Variants in MYT1L observed in about 807,000 individuals in gnomAD.
The protein encoded by MYT1L is myelin transcription factor 1-like protein.
MYT1L carries 12 observed loss-of-function variants against 126.7 expected under a neutral mutation model. The observed-to-expected ratio is 0.09, with a 90% CI of 0.06 to 0.15. The LOEUF is 0.15. Among genes scored for constraint, MYT1L ranks in the 10% least tolerant of loss-of-function variants. MYT1L has a pLI of 1.00. For synonymous variants in MYT1L, 541 were observed against 604.2 expected (o/e 0.90, Z 1.53); for missense variants, 979 against 1,585.2 (o/e 0.62, Z 6.49).
At chr2:1,804,607 G>T (rs543448956) in intron 22 of MYT1L, among the ~76,000 whole-genome samples, 1 of 152,318 alleles carries the variant, frequency 6.6e-6, no homozygotes, top group African/African-American at 2.4e-5. Flanking sequence ...AGCATAGCGT[G>T]GTCCTGGAAG....
At chr2:1,875,480 T>C (rs926890084) in intron 18 of MYT1L, among the ~76,000 whole-genome samples, 1 of 152,274 alleles carries the variant, frequency 6.6e-6, no homozygotes, top group East Asian at 1.9e-4. Context: ...CCTTACGCTC[T>C]CTTCAAGCCT....
chr2:1,993,561 A>C (rs2061602783), intron 5 of MYT1L, among the ~76,000 whole-genome samples: 1 of 152,228 alleles, frequency 6.6e-6, no homozygotes, highest in African/African-American at 2.4e-5. Context: ...ATTCCTCAGA[A>C]TATACCTACT....
At chr2:1,892,537 A>G (rs1222082960) in intron 14 of MYT1L, among the ~76,000 whole-genome samples, 3 of 141,054 alleles carry the variant, frequency 2.1e-5, no homozygotes, top group African/African-American at 8.2e-5. Flanking sequence ...CTGGAGGATA[A>G]TTCATCGACC....
intron 3 of MYT1L, among the ~76,000 whole-genome samples, chr2:2,158,795 A>G (rs893938689): frequency 1.3e-5 from 2 of 152,086 alleles, no homozygotes; most frequent in Admixed American, 6.6e-5. Context: ...GCAATGGTCT[A>G]TGATGACACG....
At chr2:2,216,789 AAGAGAG>A (rs112941406) in intron 2 of MYT1L, among the ~76,000 whole-genome samples, 1 of 150,568 alleles carries the variant, frequency 6.6e-6, no homozygotes, top group Non-Finnish European at 1.5e-5. Flanking sequence ...AGGAGAGAGA[AAGAGAG>A]AGAGAGAGAG....
chr2:1,865,551 A>G (rs560050827), intron 18 of MYT1L, among the ~76,000 whole-genome samples: 1 of 152,154 alleles, frequency 6.6e-6, no homozygotes, highest in South Asian at 2.1e-4. Context: ...AAAGAACTAA[A>G]TAAAGTGCAG....
At chr2:2,056,443 A>C (rs574142828) in intron 3 of MYT1L, among the ~76,000 whole-genome samples, 1 of 152,336 alleles carries the variant, frequency 6.6e-6, no homozygotes, top group African/African-American at 2.4e-5. Flanking sequence ...TATAGGCTAA[A>C]TGCCCTTGCA....
rs548374585 is a variant in MYT1L, at chr2:2,132,875, C to G, written c.-304+39997G>C. On this transcript the variant is annotated intron_variant, in intron 3 of 24. Coordinates refer to ENST00000647738, the MANE Select transcript of MYT1L (RefSeq NM_001303052.2). ...ATGGAATCAGAAATGCTCACGGTGG[C>G]CTGTTGGAAATTTATTGGGTGTCTT... Among the ~76,000 whole-genome samples, 47 of 152,074 alleles carry G rather than the reference C, an allele frequency of 3.1e-4. 1 individual carries two copies. Among genetic ancestry groups the G allele is most frequent in the Middle Eastern group, 3.4e-3 (1 of 294 alleles).
chr2:1,822,287 T>C (rs879266803), intron 21 of MYT1L, among the ~76,000 whole-genome samples: 1 of 152,138 alleles, frequency 6.6e-6, no homozygotes, highest in Admixed American at 6.5e-5. Flanking sequence ...AGTGGGTCAT[T>C]TTAGTAGTGT....
At chr2:2,240,029 G>A (rs1042466199) in intron 2 of MYT1L, among the ~76,000 whole-genome samples, 6 of 152,116 alleles carry the variant, frequency 3.9e-5, no homozygotes, top group African/African-American at 1.2e-4. Context: ...CAGGCACAGC[G>A]ACTCATGCCT....
At chr2:1,958,545 C>T (rs915914741) in intron 8 of MYT1L, among the ~76,000 whole-genome samples, 2 of 152,204 alleles carry the variant, frequency 1.3e-5, no homozygotes, top group Non-Finnish European at 2.9e-5. Context: ...TTTCTGGAAT[C>T]GGGGGGCCTT....
chr2:2,084,036 G>C (rs974866875), intron 3 of MYT1L, among the ~76,000 whole-genome samples: 1 of 150,390 alleles, frequency 6.6e-6, no homozygotes, highest in African/African-American at 2.5e-5. Context: ...TAGACTGAGA[G>C]GGCTAACAAG....
In MYT1L at chr2:1,910,642, T is replaced by C. The variant is rs1410345890; in HGVS notation, c.1710-295A>G. Among the ~76,000 whole-genome samples the C allele has an allele frequency of 6.6e-6, 1 of 152,160 alleles. No homozygotes were observed. On this transcript the variant is annotated intron_variant, in intron 12 of 24. Coordinates refer to ENST00000647738, the MANE Select transcript of MYT1L (RefSeq NM_001303052.2). This position sits in a 1 kb window ranked among gnomAD's most constrained non-coding sequence, Gnocchi z 4.8. ...CAGCTCCCATGCATTCGGGAGGACA[T>C]AGCTGGTGAAAACTGTAGACAGATT...
At chr2:2,204,911 A>AC (rs2093251007) in intron 2 of MYT1L, among the ~76,000 whole-genome samples, 1 of 151,850 alleles carries the variant, frequency 6.6e-6, no homozygotes, top group South Asian at 2.1e-4. Flanking sequence ...GCACATATAC[A>AC]CCATGGAATA....
chr2:1,858,234 C>A (rs1393194993), intron 18 of MYT1L, among the ~76,000 whole-genome samples: 1 of 152,130 alleles, frequency 6.6e-6, no homozygotes, highest in Non-Finnish European at 1.5e-5. Flanking sequence ...TAGAGAAAGG[C>A]AAAATAAAGA....
intron 4 of MYT1L, among the ~76,000 whole-genome samples, chr2:2,019,080 A>G (rs547899564): frequency 2.7e-4 from 41 of 152,228 alleles, no homozygotes; most frequent in Admixed American, 1.8e-3. Context: ...TTGGTGACTT[A>G]TGTAAGGTCA....
intron 2 of MYT1L, among the ~76,000 whole-genome samples, chr2:2,282,527 A>T (rs1416695835): frequency 6.6e-6 from 1 of 152,224 alleles, no homozygotes; most frequent in African/African-American, 2.4e-5. Flanking sequence ...GATTGTAAAG[A>T]TAATGCCCTT....
At chr2:2,073,993 T>C (rs901648875) in intron 3 of MYT1L, among the ~76,000 whole-genome samples, 3 of 152,198 alleles carry the variant, frequency 2.0e-5, no homozygotes, top group African/African-American at 7.2e-5. Context: ...CTCGAGGCCC[T>C]GTATATGGTC....
At chr2:1,831,548 C>T (rs1417195048) in intron 21 of MYT1L, among the ~76,000 whole-genome samples, 4 of 152,196 alleles carry the variant, frequency 2.6e-5, no homozygotes, top group South Asian at 2.1e-4. Context: ...ATCTGACTCT[C>T]GTCCTATCTC....
Sources: gnomAD v4.1 joint callset for allele counts (sites outside exome capture counted in the v4.1 genomes callset) on GRCh38, gnomAD v4.1.1 for gene constraint, Gnocchi (gnomAD v3.1) non-coding constraint, MANE v1.5 for transcripts, NCBI Gene and HGNC (gene_info 2026-07-23, HGNC 2026-07-21) for gene names.